TSPAN5: variants seen among roughly 807,000 people sequenced by gnomAD.
TSPAN5 encodes the protein tetraspanin-5.
A neutral mutation model predicts 37.1 loss-of-function variants in TSPAN5; 10 were observed. The ratio of observed to expected loss-of-function variants is 0.27; its 90% CI spans 0.17 to 0.46. The LOEUF (loss-of-function observed/expected upper bound fraction) is 0.46, where lower values mean the gene tolerates loss of function less well. Ranked by LOEUF, TSPAN5 falls within the 20% of genes least tolerant of loss-of-function variation. The pLI is 1.00. For missense variants in TSPAN5, 195 were observed against 326.6 expected, an observed-to-expected ratio of 0.60 and a Z score of 3.11; for synonymous variants, 110 against 118.9, an observed-to-expected ratio of 0.93 and a Z score of 0.48.
In TSPAN5 at chr4:98,509,585, C is replaced by T. The variant is rs113176104; in HGVS notation, c.82-1857G>A. ...GGCAAGAACTGAAGACCCCTTTCTT[C>T]CTACCCCTTGCTCTTATAGGGGACT... On this transcript the variant is annotated intron_variant, in intron 1 of 7. Coordinates refer to ENST00000305798, the MANE Select transcript of TSPAN5 (RefSeq NM_005723.4). Among the ~76,000 whole-genome samples the T allele has an allele frequency of 1.5e-3, 224 of 152,312 alleles. 4 individuals carry two copies. The highest frequency in any genetic ancestry group is 5.0e-3 in the African/African-American group (209 of 41,568).
intron 1 of TSPAN5, among the ~76,000 whole-genome samples, chr4:98,642,139 A>G (rs989806552): frequency 1.3e-5 from 2 of 152,210 alleles, no homozygotes; most frequent in Non-Finnish European, 2.9e-5. Context: ...TCCTGCTCAA[A>G]AGAATTCCAA....
intron 1 of TSPAN5, among the ~76,000 whole-genome samples, chr4:98,562,784 T>C (rs1025115892): frequency 1.3e-5 from 2 of 152,058 alleles, no homozygotes; most frequent in South Asian, 4.1e-4. Flanking sequence ...TGTATATAAG[T>C]ATATAAAAAG....
At chr4:98,513,978 T>G (rs1372530899) in intron 1 of TSPAN5, among the ~76,000 whole-genome samples, 2 of 152,060 alleles carry the variant, frequency 1.3e-5, no homozygotes, top group Non-Finnish European at 2.9e-5. Flanking sequence ...AACATAGCAA[T>G]TACATTGATG....
intron 1 of TSPAN5, among the ~76,000 whole-genome samples, chr4:98,635,397 A>G (rs1181002153): frequency 6.6e-6 from 1 of 152,138 alleles, no homozygotes; most frequent in South Asian, 2.1e-4. Context: ...TATCCCAACA[A>G]TGAATCCCCT....
At chr4:98,520,621 C>T (rs747064245) in intron 1 of TSPAN5, among the ~76,000 whole-genome samples, 1 of 152,208 alleles carries the variant, frequency 6.6e-6, no homozygotes, top group African/African-American at 2.4e-5. Flanking sequence ...GGTCAAGTCA[C>T]TGAATGATAG....
chr4:98,635,281 C>T (rs1295246695), intron 1 of TSPAN5, among the ~76,000 whole-genome samples: 2 of 152,148 alleles, frequency 1.3e-5, no homozygotes, highest in African/African-American at 4.8e-5. Context: ...AGGTCCTATC[C>T]CATGGGGAAC....
chr4:98,508,246 A>C (rs1753522365), intron 1 of TSPAN5, among the ~76,000 whole-genome samples: 1 of 152,164 alleles, frequency 6.6e-6, no homozygotes, highest in Admixed American at 6.5e-5. Flanking sequence ...CCCAAAGAAA[A>C]TTCCTAAGTT....
intron 2 of TSPAN5, among the ~76,000 whole-genome samples, chr4:98,500,559 GC>G (rs1753321880): frequency 6.6e-6 from 1 of 152,202 alleles, no homozygotes; most frequent in South Asian, 2.1e-4. Context: ...GAGGGAGAGG[GC>G]CAGACTTCCA....
chr4:98,584,527 G>A (rs1017850398), intron 1 of TSPAN5, among the ~76,000 whole-genome samples: 11 of 152,156 alleles, frequency 7.2e-5, no homozygotes, highest in Non-Finnish European at 1.5e-4. Context: ...AATGAGGAAT[G>A]AATACACAAA....
chr4:98,550,970 A>C lies in TSPAN5; in HGVS notation c.82-43242T>G, dbSNP rs147394487. On this transcript the variant is annotated intron_variant, in intron 1 of 7. Transcript: ENST00000305798. ...TCTCTTGTTCCAGTTCTTAAGGGGA[A>C]TGTTTTCAACTTTTTCCTATTAAGT... 5.5e-4 allele frequency among the ~76,000 whole-genome samples: 83 copies of C among 152,222 alleles called. 1 individual carries two copies. The East Asian group carries it at 0.014, about 26-fold the overall frequency.
intron 1 of TSPAN5, among the ~76,000 whole-genome samples, chr4:98,648,829 G>A (rs997049592): frequency 6.6e-6 from 1 of 152,208 alleles, no homozygotes; most frequent in African/African-American, 2.4e-5. Flanking sequence ...AAACTCAGCT[G>A]GGCATCACAA....
chr4:98,601,463 G>A (rs573442076), intron 1 of TSPAN5, among the ~76,000 whole-genome samples: 2 of 152,174 alleles, frequency 1.3e-5, no homozygotes, highest in South Asian at 2.1e-4. Flanking sequence ...TTCACCTTGC[G>A]CTTTTATGTT....
intron 4 of TSPAN5, among the ~76,000 whole-genome samples, chr4:98,481,415 T>A (rs978051241): frequency 5.3e-5 from 8 of 152,128 alleles, no homozygotes; most frequent in Non-Finnish European, 8.8e-5. Context: ...GGGAGTGGCC[T>A]GGACTCCAAT....
rs116513955 is a variant in TSPAN5, at chr4:98,535,974, G to C, written c.82-28246C>G. On this transcript the variant is annotated intron_variant, in intron 1 of 7. Coordinates refer to ENST00000305798, the MANE Select transcript of TSPAN5 (RefSeq NM_005723.4). The stretch of plus-strand genomic sequence containing the variant: ...TTCTTAGCTTCCTTGCATTGGGTTA[G>C]AGCATGCTCGTTTAGCTCAAGTCTG... 6.3e-3 allele frequency among the ~76,000 whole-genome samples: 959 copies of C among 152,260 alleles called. 9 individuals carry two copies. The highest frequency in any genetic ancestry group is 0.022 in the African/African-American group (911 of 41,544).
intron 4 of TSPAN5, among the ~76,000 whole-genome samples, chr4:98,479,991 A>G (rs1752800875): frequency 6.6e-6 from 1 of 152,106 alleles, no homozygotes; most frequent in Admixed American, 6.5e-5. Context: ...CACTAAACTT[A>G]ATAATAAATT....
intron 3 of TSPAN5, chr4:98,482,529 C>A: frequency 5.9e-6 from 1 of 169,950 alleles, no homozygotes; most frequent in Admixed American, 6.2e-5. Context: ...TGACCTGCCC[C>A]TATCTCTAGT....
Position 98,503,509 on chromosome 4 carries a change from T to G in TSPAN5, c.132+4169A>C, listed in dbSNP as rs527271308. Among the ~76,000 whole-genome samples the G allele has an allele frequency of 3.9e-5, 6 of 152,160 alleles. No homozygotes were observed. The East Asian group carries it at 9.7e-4, about 25-fold the overall frequency. ...ATGTGGAAAGACTTATTCTGTGGGA[T>G]CCAACAGGGTAGATCCAGAATCAAT... On this transcript the variant is annotated intron_variant, in intron 2 of 7. Coordinates refer to ENST00000305798, the MANE Select transcript of TSPAN5 (RefSeq NM_005723.4).
At chr4:98,593,088 C>T (rs1755691599) in intron 1 of TSPAN5, among the ~76,000 whole-genome samples, 1 of 57,958 alleles carries the variant, frequency 1.7e-5, no homozygotes, top group Non-Finnish European at 3.4e-5. Context: ...TCCACATCCT[C>T]TCCAGCACCT....
chr4:98,625,608 C>T (rs960292743), intron 1 of TSPAN5, among the ~76,000 whole-genome samples: 1 of 152,228 alleles, frequency 6.6e-6, no homozygotes, highest in Non-Finnish European at 1.5e-5. Flanking sequence ...AATGAAATGT[C>T]AAGCCAGATC....
Sources: allele counts gnomAD v4.1 joint callset (sites outside exome capture counted in the v4.1 genomes callset), GRCh38; gene constraint gnomAD v4.1.1; transcripts MANE v1.5; gene names NCBI Gene and HGNC (gene_info 2026-07-23, HGNC 2026-07-21).